CDK12: variants seen among roughly 807,000 people sequenced by gnomAD.
CDK12 encodes the protein cyclin dependent kinase 12.
A neutral mutation model predicts 133.8 loss-of-function variants in CDK12; 17 were observed. That is an observed-to-expected ratio of 0.13 (90% CI 0.09 to 0.19). The LOEUF is 0.19. Ranked by LOEUF, CDK12 falls within the 10% of genes least tolerant of loss-of-function variation. CDK12 has a pLI of 1.00. For missense variants in CDK12, 1,508 were observed against 1,818.7 expected, an observed-to-expected ratio of 0.83 and a Z score of 3.11; for synonymous variants, 694 against 683.6, an observed-to-expected ratio of 1.02 and a Z score of -0.24.
intron 3 of CDK12, among the ~76,000 whole-genome samples, chr17:39,559,173 T>C (rs11078915): frequency 0.63 from 95,856 of 152,058 alleles, 32,937 homozygotes; most frequent in South Asian, 0.89. Context: ...TTGAGATCAT[T>C]GTAGATCCAC....
chr17:39,500,981 C>T (rs561699627), intron 5 of CDK12, among the ~76,000 whole-genome samples: 5 of 152,202 alleles, frequency 3.3e-5, no homozygotes, highest in African/African-American at 1.2e-4. Context: ...AGTGACCCGC[C>T]CTCCTCGGCC....
intron 2 of CDK12, among the ~76,000 whole-genome samples, chr17:39,486,683 C>T (rs1285879015): frequency 5.3e-5 from 8 of 151,490 alleles, no homozygotes; most frequent in African/African-American, 1.5e-4. Flanking sequence ...AGTTTTTTTT[C>T]GCTGAACATC....
chr17:39,510,165 G>T (rs549325291), intron 7 of CDK12, among the ~76,000 whole-genome samples: 4 of 146,830 alleles, frequency 2.7e-5, no homozygotes, highest in Non-Finnish European at 5.9e-5. Context: ...TGTCACCTGG[G>T]CTGGAGTGCA....
chr17:39,489,770 G>A (rs2051432279), intron 2 of CDK12, among the ~76,000 whole-genome samples: 1 of 150,462 alleles, frequency 6.6e-6, no homozygotes, highest in African/African-American at 2.4e-5. Flanking sequence ...GGGATTACAG[G>A]CTTGAGCCAC....
intron 6 of CDK12, among the ~76,000 whole-genome samples, chr17:39,506,833 G>C (rs2053162893): frequency 6.6e-6 from 1 of 152,150 alleles, no homozygotes; most frequent in Admixed American, 6.6e-5. Context: ...ATTCCTTTGA[G>C]ACAGGACATA....
At chr17:39,479,051 G>T (rs2050430416) in intron 2 of CDK12, among the ~76,000 whole-genome samples, 1 of 152,004 alleles carries the variant, frequency 6.6e-6, no homozygotes, top group Admixed American at 6.6e-5. Flanking sequence ...GCTCACACCT[G>T]TAATCCCAGC....
intron 1 of CDK12, among the ~76,000 whole-genome samples, chr17:39,541,754 GCAGT>G (rs1280978796): frequency 1.3e-5 from 2 of 152,188 alleles, no homozygotes; most frequent in African/African-American, 4.8e-5. Flanking sequence ...GAGTTTCTCT[GCAGT>G]GGCCCAGAGA....
chr17:39,505,343 G>A (rs2053038333), intron 6 of CDK12, among the ~76,000 whole-genome samples: 2 of 151,822 alleles, frequency 1.3e-5, no homozygotes, highest in South Asian at 2.1e-4. Context: ...TGGCCAACAT[G>A]GTGAAACCCC....
intron 3 of CDK12, among the ~76,000 whole-genome samples, chr17:39,560,624 T>G (rs1331190102): frequency 6.6e-6 from 1 of 152,174 alleles, no homozygotes; most frequent in Non-Finnish European, 1.5e-5. Context: ...AAAGAGGGTG[T>G]GGGTGCTACT....
chr17:39,521,907 G>A (rs1176628545), intron 11 of CDK12, among the ~76,000 whole-genome samples: 1 of 144,188 alleles, frequency 6.9e-6, no homozygotes, highest in Admixed American at 7.1e-5. Flanking sequence ...TCACAATGTT[G>A]TCCAGACTGT....
At chr17:39,464,524 C>G (rs975764647) in intron 1 of CDK12, among the ~76,000 whole-genome samples, 2 of 151,808 alleles carry the variant, frequency 1.3e-5, no homozygotes, top group Non-Finnish European at 2.9e-5. Flanking sequence ...GCCACCACGC[C>G]TGGCTCATGC....
chr17:39,531,200 T>C lies in CDK12; in HGVS notation c.4357T>C (p.Ser1453Pro). ...LGPGTTGASS[S>P]GAGLHWGGPT... ...GCCAGGAACCACTGGGGCCAGCAGCTCAGGAGCAGGCCTTCACTGGGGGGG... is the reference window on the plus strand; with the variant it reads ...GCCAGGAACCACTGGGGCCAGCAGCCCAGGAGCAGGCCTTCACTGGGGGGG... The change falls in exon 14 of 14, where the codon TCA (serine) becomes CCA (proline). Residue 1453 changes from serine (S) to proline (P), a missense_variant. Coordinates refer to ENST00000447079, the MANE Select transcript of CDK12 (RefSeq NM_016507.4). The C allele has an allele frequency of 1.3e-6, 2 of 1,519,686 alleles. No individual in the cohort carries two copies. The highest frequency in any genetic ancestry group is 1.8e-6 in the Non-Finnish European group (2 of 1,135,776). The allele number at this position is 1,519,686 out of a possible 1,614,324, so 94.1% of individuals were successfully genotyped here. A position where few individuals can be genotyped will look rare whatever the true frequency, so the allele number is the denominator to read the frequency against.
At chr17:39,473,929 C>T (rs1239909690) in intron 2 of CDK12, among the ~76,000 whole-genome samples, 5 of 150,790 alleles carry the variant, frequency 3.3e-5, no homozygotes, top group African/African-American at 9.8e-5. Context: ...TGGTGGCAGG[C>T]GCCTGTAATC....
chr17:39,504,165 A>G (rs1009023600), intron 6 of CDK12, among the ~76,000 whole-genome samples: 1 of 152,192 alleles, frequency 6.6e-6, no homozygotes, highest in Non-Finnish European at 1.5e-5. Context: ...TAGTCAATAC[A>G]AGGAAGATGG....
chr17:39,522,760 T>C (rs1433853511), intron 11 of CDK12, among the ~76,000 whole-genome samples: 1 of 151,970 alleles, frequency 6.6e-6, no homozygotes, highest in African/African-American at 2.4e-5. Flanking sequence ...ATGTAAGAAA[T>C]AAGATCTTTC....
At position 39,515,112 on chromosome 17, in the gene CDK12, C is replaced by T. The variant is rs374835321; in HGVS notation, c.2769-619C>T. Among the ~76,000 whole-genome samples, 36 of 152,242 alleles carry T rather than the reference C, an allele frequency of 2.4e-4. No homozygotes were observed. The South Asian group carries it at 7.0e-3, about 30-fold the overall frequency. ...CCTGTAGTCCCAGCTACTTGGAAGG[C>T]TGAGGCAGAGAATCACTTGAACCTG... On this transcript the variant is annotated intron_variant, in intron 8 of 13. Coordinates refer to ENST00000447079, the MANE Select transcript of CDK12 (RefSeq NM_016507.4).
intron 6 of CDK12, among the ~76,000 whole-genome samples, chr17:39,507,814 T>C (rs1189811812): frequency 6.6e-6 from 1 of 152,234 alleles, no homozygotes; most frequent in Non-Finnish European, 1.5e-5. Context: ...TAATATAAGT[T>C]AACTATTTCT....
In CDK12 at chr17:39,490,693, G is replaced by A. The variant is rs2145824368; in HGVS notation, c.2068G>A (p.Ala690Thr). 6.2e-7 allele frequency: 1 copy of A among 1,613,392 alleles called. No individual in the cohort carries two copies. The highest frequency in any genetic ancestry group is 8.5e-7 in the Non-Finnish European group (1 of 1,179,686). Residue 690 changes from alanine (A) to threonine (T), a missense_variant, in exon 3 of 14, where the codon GCA becomes ACA. Physicochemically the swap from Ala to Thr is moderately conservative, Grantham distance 58 (BLOSUM62 0). This residue lies in a region of CDK12 where 347 missense variants were observed against 330.8 expected (regional missense o/e 1.05). Coordinates refer to ENST00000447079, the MANE Select transcript of CDK12 (RefSeq NM_016507.4). ...LSPPDSPEPK[A>T]ITPPQQPYKK... The stretch of plus-strand genomic sequence containing the variant: ...TCCCCCAGACTCTCCAGAACCAAAG[G>A]CAATCACACCACCTCAGCAACCATA...
At position 39,501,250 on chromosome 17, in the gene CDK12, G is replaced by T. The variant is rs2146137341; in HGVS notation, c.2420G>T (p.Gly807Val). The T allele has an allele frequency of 4.6e-6, 7 of 1,509,432 alleles. No homozygotes were observed. The highest frequency in any genetic ancestry group is 2.7e-5 in the South Asian group (2 of 74,184). The allele number at this position is 1,509,432 out of a possible 1,614,324, so 93.5% of individuals were successfully genotyped here. ...QDALDFKKDK[G>V]AFYLVFEYMD... The stretch of plus-strand genomic sequence containing the variant: ...TTAATTTTTTTTCGTCTTTATGTAG[G>T]TGCCTTTTACCTTGTATTTGAGTAT... Residue 807 changes from glycine (G) to valine (V), a missense_variant and splice_region_variant, in exon 6 of 14, where the codon GGT becomes GTT. Transcript: ENST00000447079.
Sources: allele counts gnomAD v4.1 joint callset (sites outside exome capture counted in the v4.1 genomes callset), GRCh38; gene constraint gnomAD v4.1.1; regional missense constraint gnomAD v4.1.1; transcripts MANE v1.5; gene names NCBI Gene and HGNC (gene_info 2026-07-23, HGNC 2026-07-21).